The following MALRD1 variants were observed in gnomAD, a reference collection of about 807,000 sequenced individuals.
MALRD1 encodes MAM and LDL-receptor class A domain-containing protein 1.
Under a neutral mutation model 242.1 loss-of-function variants are expected in MALRD1, and 247 were observed. The ratio of observed to expected loss-of-function variants is 1.02; its 90% confidence interval spans 0.92 to 1.13. The LOEUF (loss-of-function observed/expected upper bound fraction) is 1.13, where lower values mean the gene tolerates loss of function less well. Among genes scored for constraint, MALRD1 ranks in the 50% most tolerant of loss-of-function variants. The probability of loss-of-function intolerance (pLI) is 0.00; values close to 1 mark genes in which losing one functional copy is unlikely to be tolerated. For synonymous variants in MALRD1, 995 were observed against 866.6 expected (o/e 1.15, Z -2.60); for missense variants, 2,989 against 2,533.1 (o/e 1.18, Z -3.86).
chr10:19,166,693 T>C (rs1024707129), intron 13 of MALRD1, among the ~76,000 whole-genome samples: 2 of 152,170 alleles, frequency 1.3e-5, no homozygotes, highest in African/African-American at 4.8e-5. Flanking sequence ...ACCCCATAAA[T>C]ATGTACAACT....
intron 35 of MALRD1, 117 bp from the exon 36 acceptor site, chr10:19,615,740 C>A: frequency 1.2e-6 from 1 of 853,076 alleles, no homozygotes; most frequent in Non-Finnish European, 1.7e-6. Context: ...CTTTTTGCAA[C>A]TGGAAAGGAA....
intron 38 of MALRD1, among the ~76,000 whole-genome samples, chr10:19,705,743 A>G (rs1378817405): frequency 7.0e-6 from 1 of 142,018 alleles, no homozygotes. Flanking sequence ...AGAGAAGCCT[A>G]AACAGCCTGA....
intron 38 of MALRD1, among the ~76,000 whole-genome samples, chr10:19,702,772 G>T (rs966823335): frequency 2.0e-5 from 3 of 151,732 alleles, no homozygotes; most frequent in African/African-American, 7.3e-5. Context: ...TGAAAATAAT[G>T]CCAAAACCTT....
At chr10:19,712,945 C>T (rs1235457705) in intron 38 of MALRD1, among the ~76,000 whole-genome samples, 1 of 152,160 alleles carries the variant, frequency 6.6e-6, no homozygotes, top group African/African-American at 2.4e-5. Context: ...GAAGGAATAT[C>T]TCTGTTTTTG....
rs557231747 is a variant in MALRD1, at chr10:19,281,922, C to G, written c.3257-1097C>G. Among the ~76,000 whole-genome samples, 37 of 138,782 alleles carry G rather than the reference C, an allele frequency of 2.7e-4. No individual in the cohort carries two copies. In the South Asian group the frequency reaches 3.4e-3, roughly 13 times the overall value. 91.0% of individuals were successfully genotyped at this position (138,782 alleles called of 152,430 possible). On this transcript the variant is annotated intron_variant, in intron 20 of 39. Coordinates refer to ENST00000454679, the MANE Select transcript of MALRD1 (RefSeq NM_001142308.3). ...CTGGGAGGGGGAGCCGAGATCGTGC[C>G]AATGCACTCTGGCCTGGATGACAAA...
rs558578952 is a variant in MALRD1 at position 19,461,875 on chromosome 10, G to A, written c.5029+11385G>A. Among the ~76,000 whole-genome samples, 20 of 152,176 alleles carry A rather than the reference G, an allele frequency of 1.3e-4. No individual in the cohort carries two copies. The East Asian group carries it at 2.7e-3, about 21-fold the overall frequency. On this transcript the variant is annotated intron_variant, in intron 29 of 39. Transcript: ENST00000454679. ...TATTTAATTTCCCTTTCTGTGGAACGTCCATCTCTACTTTACCGTACATAA... is the reference window on the plus strand; with the variant it reads ...TATTTAATTTCCCTTTCTGTGGAACATCCATCTCTACTTTACCGTACATAA...
intron 18 of MALRD1, 78 bp downstream of exon 18, chr10:19,209,758 C>A: frequency 7.4e-7 from 1 of 1,344,148 alleles, no homozygotes. Flanking sequence ...GCTGTATTCT[C>A]TAATTAAAAG....
At chr10:19,131,821 T>C (rs550807032) in intron 8 of MALRD1, among the ~76,000 whole-genome samples, 1 of 152,326 alleles carries the variant, frequency 6.6e-6, no homozygotes, top group African/African-American at 2.4e-5. Context: ...AAAAATTATT[T>C]ACTGATTTTA....
At chr10:19,723,764 T>G (rs1398654210) in intron 38 of MALRD1, among the ~76,000 whole-genome samples, 1 of 151,134 alleles carries the variant, frequency 6.6e-6, no homozygotes, top group Non-Finnish European at 1.5e-5. Flanking sequence ...ATAAAAAAAT[T>G]TGAACTTTTG....
chr10:19,428,195 A>G (rs1277011861), intron 28 of MALRD1, among the ~76,000 whole-genome samples: 1 of 151,796 alleles, frequency 6.6e-6, no homozygotes, highest in Non-Finnish European at 1.5e-5. Flanking sequence ...TGGGTGGATG[A>G]TCTCCAAGCG....
At chr10:19,216,035 G>T (rs72786585) in intron 18 of MALRD1, among the ~76,000 whole-genome samples, 1 of 151,136 alleles carries the variant, frequency 6.6e-6, no homozygotes, top group Non-Finnish European at 1.5e-5. Flanking sequence ...ACATTAGAAA[G>T]GTAGAGTATT....
chr10:19,473,892 C>T (rs1328266841), intron 29 of MALRD1, among the ~76,000 whole-genome samples: 2 of 152,038 alleles, frequency 1.3e-5, no homozygotes, highest in African/African-American at 4.8e-5. Flanking sequence ...TTGTAAGAAC[C>T]ACCACATTCT....
In MALRD1 at chr10:19,635,783, CACAT is replaced by C. The variant is rs138836902; in HGVS notation, c.6137+19861_6137+19864del. Among the ~76,000 whole-genome samples the C allele has an allele frequency of 2.6e-3, 395 of 152,268 alleles. 6 individuals are homozygous for C. In the East Asian group the frequency reaches 0.058, roughly 23 times the overall value. On this transcript the variant is annotated intron_variant, in intron 36 of 39. Coordinates refer to ENST00000454679, the MANE Select transcript of MALRD1 (RefSeq NM_001142308.3). ...AATTAACACACAAAATGCTCTCACA[CACAT>C]GCATGCAAAACATACACTGAAATAA...
At chr10:19,153,266 G>A (rs1834007009) in intron 11 of MALRD1, among the ~76,000 whole-genome samples, 1 of 152,142 alleles carries the variant, frequency 6.6e-6, no homozygotes, top group Admixed American at 6.6e-5. Context: ...GCTCACAAGT[G>A]AGATTGCTCT....
intron 26 of MALRD1, 150 bp from the exon 27 acceptor site, chr10:19,387,378 G>C: frequency 1.3e-6 from 1 of 798,614 alleles, no homozygotes; most frequent in Non-Finnish European, 1.9e-6. Flanking sequence ...AGCAGAGTGG[G>C]AGAGAGAGAG....
chr10:19,204,195 T>G, intron 15 of MALRD1, 113 bp from the exon 16 acceptor site: 1 of 740,638 alleles, frequency 1.4e-6, no homozygotes, highest in South Asian at 1.9e-5. Context: ...TATTGTATAA[T>G]TTTAATTTCA....
In MALRD1 at chr10:19,324,010, G is replaced by T; in HGVS notation, c.3481G>T (p.Ala1161Ser). 1 of 1,550,780 alleles carries T rather than the reference G, an allele frequency of 6.4e-7. No homozygotes were observed. The highest frequency in any genetic ancestry group is 8.7e-7 in the Non-Finnish European group (1 of 1,146,920). ...TTCTAATGGGAAATTTGGTGACACG[G>T]CTGACATTCTCACTCCTATCATTTC... Reference protein sequence around the residue: ...DSSNGKFGDTADILTPIISLT... With the variant: ...DSSNGKFGDTSDILTPIISLT... The change falls in exon 22 of 40, where the codon GCT becomes TCT. Residue 1161 changes from alanine to serine, a missense_variant. Coordinates refer to ENST00000454679, the MANE Select transcript of MALRD1 (RefSeq NM_001142308.3).
intron 8 of MALRD1, among the ~76,000 whole-genome samples, chr10:19,128,781 C>G (rs189176784): frequency 6.6e-6 from 1 of 152,014 alleles, no homozygotes; most frequent in Admixed American, 6.6e-5. Flanking sequence ...GTTTGGGTAG[C>G]AGTAGACATA....
At chr10:19,381,238 CTCA>C (rs1290646484) in intron 26 of MALRD1, among the ~76,000 whole-genome samples, 1 of 151,218 alleles carries the variant, frequency 6.6e-6, no homozygotes, top group Non-Finnish European at 1.5e-5. Context: ...AGGACATGAA[CTCA>C]TCAATTTTTA....
Sources: allele counts gnomAD v4.1 joint callset (sites outside exome capture counted in the v4.1 genomes callset), GRCh38; gene constraint gnomAD v4.1.1; transcripts MANE v1.5; gene names NCBI Gene and HGNC (gene_info 2026-07-23, HGNC 2026-07-21).